Variants in RER1 observed in about 807,000 individuals in gnomAD.
The protein encoded by RER1 is protein RER1.
A neutral mutation model predicts 28.3 loss-of-function variants in RER1; 6 were observed. The observed-to-expected ratio is 0.21, with a 90% CI of 0.12 to 0.42. The LOEUF (loss-of-function observed/expected upper bound fraction) is 0.42. Among genes scored for constraint, RER1 ranks in the 10% least tolerant of loss-of-function variants. RER1 has a pLI of 1.00. For missense variants in RER1, 159 were observed against 252.9 expected (o/e 0.63, Z 2.52); for synonymous variants, 110 against 95.9 (o/e 1.15, Z -0.86).
intron 1 of RER1, 97 bp from the exon 2 acceptor site, chr1:2,395,687 T>C (rs1410490005): frequency 1.2e-6 from 1 of 855,926 alleles, no homozygotes; most frequent in Non-Finnish European, 2.0e-6. Flanking sequence ...ATACTGAATG[T>C]GGAAGAAACC....
Position 2,404,772 on chromosome 1 carries a change from G to A in RER1, c.*1648G>A, listed in dbSNP as rs997587976. On this transcript the variant is annotated 3_prime_UTR_variant, in exon 7 of 7. Coordinates refer to ENST00000605895, the MANE Select transcript of RER1 (RefSeq NM_007033.5). ...CGCCCTCGAGGCATTTTAACACTGC[G>A]CTTCAGGAAATCTCAAGTTCCATCT... 6.6e-6 allele frequency: 1 copy of A among 152,374 alleles called. No individual in the cohort carries two copies. The highest frequency in any genetic ancestry group is 1.5e-5 in the Non-Finnish European group (1 of 68,050). 9.4% of individuals were successfully genotyped at this position (152,374 alleles called of 1,614,324 possible).
intron 1 of RER1, among the ~76,000 whole-genome samples, chr1:2,392,453 C>A (rs935299745): frequency 1.3e-5 from 2 of 152,206 alleles, no homozygotes; most frequent in Admixed American, 6.5e-5. Context: ...AAACTAGTTA[C>A]ATCGGTTTTG....
intron 5 of RER1, 135 bp downstream of exon 5, chr1:2,401,070 C>T: frequency 1.4e-6 from 1 of 738,462 alleles, no homozygotes; most frequent in East Asian, 2.7e-5. Context: ...CGCAGGGGCT[C>T]TCTGTAGAAG....
Position 2,403,230 on chromosome 1 carries a change from T to C in RER1, c.*106T>C. The C allele has an allele frequency of 1.2e-6, 1 of 842,012 alleles. No individual in the cohort carries two copies. The highest frequency in any genetic ancestry group is 1.9e-6 in the Non-Finnish European group (1 of 514,740). The allele number at this position is 842,012 out of a possible 1,614,324, so 52.2% of individuals were successfully genotyped here. A position where few individuals can be genotyped will look rare whatever the true frequency, so the allele number is the denominator to read the frequency against. Reference sequence around the variant, plus strand: ...TAGTTGATTACGAGGGAGTCAAATTTTCTTTTTAAAAAGGAGCTTCAATGA... The same window carrying C: ...TAGTTGATTACGAGGGAGTCAAATTCTCTTTTTAAAAAGGAGCTTCAATGA... On this transcript the variant is annotated 3_prime_UTR_variant, in exon 7 of 7. Transcript: ENST00000605895.
At position 2,395,843 on chromosome 1, in the gene RER1, T is replaced by C; in HGVS notation, c.53T>C (p.Val18Ala). 1 of 1,614,038 alleles carries C rather than the reference T, an allele frequency of 6.2e-7. No individual in the cohort carries two copies. The highest frequency in any genetic ancestry group is 8.5e-7 in the Non-Finnish European group (1 of 1,179,904). Residue 18 changes from valine (V) to alanine (A), a missense_variant, in exon 2 of 7, where the codon GTG becomes GCG. Coordinates refer to ENST00000605895, the MANE Select transcript of RER1 (RefSeq NM_007033.5). ...TCCGTCCATGGGAAACCTTCGGTGG[T>C]GTACAGATTTTTCACAAGACTTGGA... ...GESVHGKPSV[V>A]YRFFTRLGQI...
At position 2,392,235 on chromosome 1, in the gene RER1, G is replaced by A. The variant is rs369738718; in HGVS notation, c.-8+277G>A. Among the ~76,000 whole-genome samples the A allele has an allele frequency of 6.6e-4, 100 of 152,238 alleles. 1 individual carries two copies. The East Asian group carries it at 0.011, about 16-fold the overall frequency. On this transcript the variant is annotated intron_variant, in intron 1 of 6. Transcript: ENST00000605895. ...GCGGGAGAGGGGCCGGGCGGGGGCT[G>A]CAGCCCTCGAGCCACCCGGGCCGCA... is the stretch of plus-strand genomic sequence containing the variant.
intron 3 of RER1, among the ~76,000 whole-genome samples, chr1:2,398,500 T>G (rs961305002): frequency 2.0e-5 from 3 of 152,242 alleles, no homozygotes; most frequent in Non-Finnish European, 4.4e-5. Flanking sequence ...GTGATTCTCT[T>G]ACTTCAGCTT....
At chr1:2,399,603 A>C in intron 4 of RER1, 89 bp downstream of exon 4, 1 of 801,854 alleles carries the variant, frequency 1.2e-6, no homozygotes, top group Admixed American at 1.9e-5. Flanking sequence ...GAAACACCCG[A>C]GACTCTTCTC....
intron 1 of RER1, among the ~76,000 whole-genome samples, chr1:2,393,020 A>T: frequency 7.7e-4 from 1 of 1,302 alleles, no homozygotes. Context: ...TGGGAGCCAG[A>T]CTGTCAATGC....
intron 3 of RER1, 24 bp downstream of exon 3, chr1:2,397,244 G>C (rs1372147726): frequency 6.6e-7 from 1 of 1,518,194 alleles, no homozygotes; most frequent in East Asian, 2.3e-5. Context: ...GAAGTGACGA[G>C]ACTTGGCTCT....
In RER1 at chr1:2,403,961, A is replaced by C. The variant is rs577180277; in HGVS notation, c.*837A>C. 6.6e-6 allele frequency: 1 copy of C among 152,250 alleles called. No individual in the cohort carries two copies. The highest frequency in any genetic ancestry group is 1.5e-5 in the Non-Finnish European group (1 of 68,042). The allele number at this position is 152,250 out of a possible 1,614,324, so 9.4% of individuals were successfully genotyped here. A position where few individuals can be genotyped will look rare whatever the true frequency, so the allele number is the denominator to read the frequency against. On this transcript the variant is annotated 3_prime_UTR_variant, in exon 7 of 7. Transcript: ENST00000605895. ...TGATTCGAGAAAAGAAATACTCTCA[A>C]CGTTTTACCAAGTGATTTTACCTCC...
chr1:2,397,101 CTCTTG>C lies in RER1; in HGVS notation c.82-10_82-6del. ...ACAGGACCTGCTTCATGCTTTTGGA[CTCTTG>C]TCTTTCTAGATTTATCAGTCCTGGC... On this transcript the variant is annotated splice_polypyrimidine_tract_variant and intron_variant, in intron 2 of 6. Coordinates refer to ENST00000605895, the MANE Select transcript of RER1 (RefSeq NM_007033.5). 6.4e-7 allele frequency: 1 copy of C among 1,573,832 alleles called. No individual in the cohort carries two copies.
intron 6 of RER1, 36 bp from the exon 7 acceptor site, chr1:2,402,999 G>A (rs753188574): frequency 1.9e-6 from 3 of 1,558,818 alleles, no homozygotes; most frequent in African/African-American, 1.4e-5. Flanking sequence ...CTGGAGAGCG[G>A]TTGTGCAGTA....
rs371475416 is a variant in RER1, at chr1:2,400,772, C to T, written c.287-85C>T. 7.2e-6 allele frequency: 8 copies of T among 1,116,748 alleles called. No homozygotes were observed. In the East Asian group the frequency reaches 1.2e-4, roughly 16 times the overall value. The allele number at this position is 1,116,748 out of a possible 1,614,324, so 69.2% of individuals were successfully genotyped here. A position where few individuals can be genotyped will look rare whatever the true frequency, so the allele number is the denominator to read the frequency against. ...TCTCGGTTTAGATTTGTGAGGCCTGCTAGTCCAAAGCCTTGAGGGGAAAAG... is the reference window on the plus strand; with the variant it reads ...TCTCGGTTTAGATTTGTGAGGCCTGTTAGTCCAAAGCCTTGAGGGGAAAAG... On this transcript the variant is annotated intron_variant, in intron 4 of 6. Transcript: ENST00000605895.
chr1:2,394,763 G>C (rs367848364), intron 1 of RER1: 1 of 152,116 alleles, frequency 6.6e-6, no homozygotes, highest in Non-Finnish European at 1.5e-5. Flanking sequence ...ACCAGAGTCT[G>C]TTTCTCCTCA....
At chr1:2,401,227 C>CCCTCCTCCTCCCTTCCTCCCT (rs1553230131) in intron 5 of RER1, among the ~76,000 whole-genome samples, 1 of 75,060 alleles carries the variant, frequency 1.3e-5, no homozygotes, top group African/African-American at 5.9e-5. Flanking sequence ...CCCTCCTCCT[C>CCCTCCTCCTCCCTTCCTCCCT]CCTTCCTCCC....
In RER1 at chr1:2,399,436, G is replaced by T; in HGVS notation, c.208G>T (p.Ala70Ser). ...TCAGGGTTGGTACATTGTGACCTAT[G>T]CCTTGGGGATCTACCATCTAAATCT... ...LLQGWYIVTY[A>S]LGIYHLNLFI... Residue 70 changes from alanine to serine, a missense_variant, in exon 4 of 7, where the codon GCC becomes TCC. Ala to Ser is a moderately conservative substitution (Grantham distance 99). Transcript: ENST00000605895. The T allele has an allele frequency of 6.2e-7, 1 of 1,611,396 alleles. No individual in the cohort carries two copies. The highest frequency in any genetic ancestry group is 8.5e-7 in the Non-Finnish European group (1 of 1,177,500).
intron 5 of RER1, 67 bp from the exon 6 acceptor site, chr1:2,402,140 G>A (rs1642873713): frequency 4.3e-6 from 7 of 1,614,000 alleles, no homozygotes; most frequent in Non-Finnish European, 5.9e-6. Context: ...CTGCAAGGCT[G>A]GAGGCGGCCG....
chr1:2,392,388 C>G (rs897469549), intron 1 of RER1, among the ~76,000 whole-genome samples: 1 of 152,220 alleles, frequency 6.6e-6, no homozygotes, highest in African/African-American at 2.4e-5. Flanking sequence ...CAGCGCTTAT[C>G]TGTAGGATTT....
Sources: gnomAD v4.1 joint callset for allele counts (sites outside exome capture counted in the v4.1 genomes callset) on GRCh38, gnomAD v4.1.1 for gene constraint, MANE v1.5 for transcripts, NCBI Gene and HGNC (gene_info 2026-07-23, HGNC 2026-07-21) for gene names.